SSH1: variants seen among roughly 807,000 people sequenced by gnomAD.
SSH1 encodes the protein slingshot protein phosphatase 1, also known as protein phosphatase Slingshot homolog 1.
A neutral mutation model predicts 79.7 loss-of-function variants in SSH1; 43 were observed. The observed-to-expected ratio is 0.54, with a 90% confidence interval of 0.42 to 0.70. SSH1 has a LOEUF of 0.70. Among genes scored for constraint, SSH1 ranks in the 30% least tolerant of loss-of-function variants. The pLI, the probability that SSH1 is intolerant of heterozygous loss-of-function variation, is 0.00. For synonymous variants in SSH1, 599 were observed against 538.3 expected, an observed-to-expected ratio of 1.11 and a Z score of -1.56; for missense variants, 1,206 against 1,358.8, an observed-to-expected ratio of 0.89 and a Z score of 1.77.
At position 108,787,961 on chromosome 12, in the gene SSH1, G is replaced by C. The variant is rs759347830; in HGVS notation, c.*27C>G. On this transcript the variant is annotated 3_prime_UTR_variant, in exon 15 of 15. Coordinates refer to ENST00000326495, the MANE Select transcript of SSH1 (RefSeq NM_018984.4). The stretch of plus-strand genomic sequence containing the variant: ...AGGGAGGGATCATATGAAAATATCC[G>C]CCCAGCCTGACGCAGCAAAAGGCGG... 34 of 1,613,802 alleles carry C rather than the reference G, an allele frequency of 2.1e-5. No individual in the cohort carries two copies. In the Middle Eastern group the frequency reaches 2.5e-3, roughly 118 times the overall value.
At chr12:108,842,960 G>A (rs2137264803) in intron 2 of SSH1, among the ~76,000 whole-genome samples, 1 of 152,236 alleles carries the variant, frequency 6.6e-6, no homozygotes, top group Middle Eastern at 3.4e-3. Flanking sequence ...GTGGAGTATG[G>A]GTGCTCCCTT....
At position 108,788,273 on chromosome 12, in the gene SSH1, T is replaced by C. The variant is rs3741778; in HGVS notation, c.2865A>G (p.Thr955=). Residue 955 remains threonine, a synonymous_variant, in exon 15 of 15, where the codon ACA becomes ACG. Coordinates refer to ENST00000326495, the MANE Select transcript of SSH1 (RefSeq NM_018984.4). ...RGKPGLVKQR[T]QEIETRLRLA... is the part of the protein sequence containing the mutation. ...GCCGGAGCCGGGTCTCAATCTCCTGTGTCCGCTGCTTCACCAGCCCGGGCT... is the reference window on the plus strand; with the variant it reads ...GCCGGAGCCGGGTCTCAATCTCCTGCGTCCGCTGCTTCACCAGCCCGGGCT... 548,183 of 1,613,384 alleles carry C rather than the reference T, an allele frequency of 0.34. 102,923 individuals are homozygous for C. Among genetic ancestry groups the C allele is most frequent in the East Asian group, 0.68 (30,376 of 44,836 alleles).
intron 2 of SSH1, among the ~76,000 whole-genome samples, chr12:108,850,703 G>T (rs911970543): frequency 9.5e-6 from 1 of 105,716 alleles, no homozygotes; most frequent in South Asian, 3.9e-4. Context: ...GGATTTGGGG[G>T]AGGGAAGCTT....
At chr12:108,812,528 G>C (rs1264255137) in intron 5 of SSH1, among the ~76,000 whole-genome samples, 1 of 152,274 alleles carries the variant, frequency 6.6e-6, no homozygotes, top group Non-Finnish European at 1.5e-5. Context: ...GCCTAGGCCA[G>C]GGGCGGGGCC....
At chr12:108,826,657 C>T (rs1197966074) in intron 2 of SSH1, among the ~76,000 whole-genome samples, 2 of 152,126 alleles carry the variant, frequency 1.3e-5, no homozygotes, top group African/African-American at 4.8e-5. Context: ...ACTCTGGGCC[C>T]AGAGCCTCAT....
chr12:108,798,877 G>T, intron 13 of SSH1, 123 bp downstream of exon 13: 1 of 1,129,710 alleles, frequency 8.9e-7, no homozygotes, highest in Non-Finnish European at 1.3e-6. Flanking sequence ...CAGGATTTTG[G>T]CTGTGGAAGC....
chr12:108,809,099 G>A (rs981457010), intron 7 of SSH1, among the ~76,000 whole-genome samples: 6 of 151,434 alleles, frequency 4.0e-5, no homozygotes, highest in South Asian at 4.2e-4. Context: ...CTCCCAAAGT[G>A]CTGGGGTTAC....
chr12:108,796,177 A>C (rs1384286208), intron 13 of SSH1, among the ~76,000 whole-genome samples: 1 of 152,170 alleles, frequency 6.6e-6, no homozygotes, highest in Non-Finnish European at 1.5e-5. Flanking sequence ...CGGCCTCTTA[A>C]AGTGCTGGGA....
chr12:108,830,465 C>CA (rs2038446566), intron 2 of SSH1, among the ~76,000 whole-genome samples: 1 of 152,126 alleles, frequency 6.6e-6, no homozygotes, highest in Non-Finnish European at 1.5e-5. Context: ...GTCTCAAAAA[C>CA]AAACACACAA....
At chr12:108,822,789 A>T (rs1172599486) in intron 3 of SSH1, among the ~76,000 whole-genome samples, 1 of 152,236 alleles carries the variant, frequency 6.6e-6, no homozygotes, top group Non-Finnish European at 1.5e-5. Context: ...ACTTCCTACT[A>T]CAGTGTCTAT....
intron 9 of SSH1, among the ~76,000 whole-genome samples, chr12:108,805,388 A>G (rs2037221236): frequency 6.6e-6 from 1 of 152,204 alleles, no homozygotes; most frequent in Non-Finnish European, 1.5e-5. Context: ...AGTAAACCCA[A>G]CTGGGTAAAG....
In SSH1 at chr12:108,792,933, C is replaced by T. The variant is rs552972303; in HGVS notation, c.1350-104G>A. The stretch of plus-strand genomic sequence containing the variant: ...AGTGAGGGGCTGCCCAAGGTCAGGG[C>T]GCCAGGGACGATCCATGGCTCATTC... On this transcript the variant is annotated intron_variant, in intron 13 of 14. Coordinates refer to ENST00000326495, the MANE Select transcript of SSH1 (RefSeq NM_018984.4). 5.1e-5 allele frequency: 71 copies of T among 1,384,680 alleles called. 1 individual carries two copies. The South Asian group carries it at 6.1e-4, about 12-fold the overall frequency. The allele number at this position is 1,384,680 out of a possible 1,614,324, so 85.8% of individuals were successfully genotyped here.
At position 108,857,575 on chromosome 12, in the gene SSH1, G is replaced by T. The variant is rs1280702225; in HGVS notation, c.-79C>A. 2.3e-6 allele frequency: 2 copies of T among 887,780 alleles called. No homozygotes were observed. Among genetic ancestry groups the T allele is most frequent in the Non-Finnish European group, 2.7e-6 (2 of 743,084 alleles). 55.0% of individuals were successfully genotyped at this position (887,780 alleles called of 1,614,324 possible). On this transcript the variant is annotated 5_prime_UTR_variant, in exon 1 of 15. Transcript: ENST00000326495. The surrounding 1 kb of genome is among the most constrained non-coding windows in gnomAD (Gnocchi z 4.7). The stretch of plus-strand genomic sequence containing the variant: ...GCCACCGCCGCCCGGGCCGGGCCCG[G>T]GGCCTCCTGGAGCCGCGCGCGGGCG...
At chr12:108,847,275 T>C (rs781535389) in intron 2 of SSH1, among the ~76,000 whole-genome samples, 13 of 152,260 alleles carry the variant, frequency 8.5e-5, no homozygotes, top group Non-Finnish European at 1.6e-4. Flanking sequence ...GGTGGAACAA[T>C]TGAGACCCAC....
chr12:108,822,436 TA>T (rs1038698435), intron 3 of SSH1, among the ~76,000 whole-genome samples: 6 of 150,836 alleles, frequency 4.0e-5, no homozygotes, highest in African/African-American at 1.2e-4. Flanking sequence ...TGCCTGGCCA[TA>T]AGTGTGTTTT....
At chr12:108,823,511 T>C (rs2038203872) in intron 2 of SSH1, 150 bp from the exon 3 acceptor site, 7 of 721,056 alleles carry the variant, frequency 9.7e-6, no homozygotes, top group African/African-American at 1.8e-5. Flanking sequence ...TTCCACGTAG[T>C]ACTTTTCTCA....
intron 2 of SSH1, among the ~76,000 whole-genome samples, chr12:108,828,606 CAG>C (rs1178189993): frequency 1.3e-5 from 2 of 152,238 alleles, no homozygotes; most frequent in East Asian, 3.9e-4. Flanking sequence ...TTCAAGCAAA[CAG>C]AACTCCAGGA....
chr12:108,830,639 G>T (rs1384941733), intron 2 of SSH1, among the ~76,000 whole-genome samples: 1 of 152,124 alleles, frequency 6.6e-6, no homozygotes, highest in African/African-American at 2.4e-5. Flanking sequence ...TGCAATAAAG[G>T]GAGGTCATGC....
chr12:108,831,391 G>A (rs1030061432), intron 2 of SSH1, among the ~76,000 whole-genome samples: 21 of 152,176 alleles, frequency 1.4e-4, no homozygotes, highest in African/African-American at 3.9e-4. Flanking sequence ...ATTCGGTTTC[G>A]ATCAACAAGT....
Sources: gnomAD v4.1 joint callset for allele counts (sites outside exome capture counted in the v4.1 genomes callset) on GRCh38, gnomAD v4.1.1 for gene constraint, Gnocchi (gnomAD v3.1) non-coding constraint, MANE v1.5 for transcripts, NCBI Gene and HGNC (gene_info 2026-07-23, HGNC 2026-07-21) for gene names.